The following RSPO3 variants were observed in gnomAD, a reference collection of about 807,000 sequenced individuals.
The protein encoded by RSPO3 is R-spondin 3, also known as R-spondin-3.
In RSPO3, 17 loss-of-function variants were observed where a neutral mutation model predicts 36.5. The ratio of observed to expected loss-of-function variants is 0.47; its 90% CI spans 0.32 to 0.70. The LOEUF (loss-of-function observed/expected upper bound fraction) is 0.70, where lower values mean the gene tolerates loss of function less well. Among genes scored for constraint, RSPO3 ranks in the 30% least tolerant of loss-of-function variants. The pLI is 0.04. For synonymous variants in RSPO3, 108 were observed against 107.0 expected, an observed-to-expected ratio of 1.01 and a Z score of -0.06; for missense variants, 294 against 322.5, an observed-to-expected ratio of 0.91 and a Z score of 0.68.
intron 4 of RSPO3, among the ~76,000 whole-genome samples, chr6:127,186,086 G>C (rs1775288855): frequency 6.6e-6 from 1 of 152,094 alleles, no homozygotes; most frequent in Admixed American, 6.6e-5. Flanking sequence ...AATTTAACCA[G>C]CTGGAATAAA....
chr6:127,159,983 T>C (rs2114600057), intron 4 of RSPO3, among the ~76,000 whole-genome samples: 1 of 152,258 alleles, frequency 6.6e-6, no homozygotes, highest in East Asian at 1.9e-4. Context: ...AGCCACGTTT[T>C]CAATTTAATG....
At chr6:127,186,702 T>G (rs1775301974) in intron 4 of RSPO3, among the ~76,000 whole-genome samples, 1 of 152,156 alleles carries the variant, frequency 6.6e-6, no homozygotes, top group East Asian at 1.9e-4. Flanking sequence ...TAAATAACAT[T>G]GTTACATTTA....
Position 127,119,308 on chromosome 6 carries a change from A to C in RSPO3, c.97+19A>C, listed in dbSNP as rs1258363719. 1.9e-6 allele frequency: 3 copies of C among 1,589,370 alleles called. No homozygotes were observed. Among genetic ancestry groups the C allele is most frequent in the Non-Finnish European group, 2.6e-6 (3 of 1,158,744 alleles). The stretch of plus-strand genomic sequence containing the variant: ...CGAAGAAGTAAGTGCAGGGTTTTTT[A>C]CGCGTTTGCTCCCTCCCGCCGCGTT... On this transcript the variant is annotated intron_variant, in intron 1 of 4. Coordinates refer to ENST00000356698, the MANE Select transcript of RSPO3 (RefSeq NM_032784.5).
chr6:127,191,349 G>C (rs1427603468), intron 4 of RSPO3, among the ~76,000 whole-genome samples: 1 of 152,064 alleles, frequency 6.6e-6, no homozygotes, highest in Non-Finnish European at 1.5e-5. Context: ...AAATAAACTG[G>C]GGGGGAGGGG....
rs1357386485 is a variant in RSPO3, at chr6:127,150,566, A to T, written c.430A>T (p.Ser144Cys). 6.2e-7 allele frequency: 1 copy of T among 1,607,170 alleles called. No individual in the cohort carries two copies. Among genetic ancestry groups the T allele is most frequent in the Admixed American group, 1.7e-5 (1 of 58,976 alleles). ...EANNHTMECV[S>C]IVHCEVSEWN... The stretch of plus-strand genomic sequence containing the variant: ...CAACAACCATACTATGGAGTGTGTC[A>T]GTATTGGTAAGGAGAACCTGTAATA... Residue 144 changes from serine (S) to cysteine (C), a missense_variant, in exon 3 of 5, where the codon AGT (serine) becomes TGT (cysteine). Physicochemically the swap from Ser to Cys is moderately radical, Grantham distance 112 (BLOSUM62 -1). Transcript: ENST00000356698.
chr6:127,180,861 C>T (rs1775171401), intron 4 of RSPO3, among the ~76,000 whole-genome samples: 1 of 151,710 alleles, frequency 6.6e-6, no homozygotes. Context: ...ATTTGTTTCT[C>T]ATACCTACCC....
At chr6:127,157,739 AT>A (rs951940193) in intron 4 of RSPO3, among the ~76,000 whole-genome samples, 4 of 151,578 alleles carry the variant, frequency 2.6e-5, no homozygotes, top group East Asian at 1.9e-4. Flanking sequence ...TCCTACTTTT[AT>A]TTTTTTTCAT....
chr6:127,155,876 G>GTATA (rs35711172), intron 4 of RSPO3, among the ~76,000 whole-genome samples: 66,181 of 148,276 alleles, frequency 0.45, 14,792 homozygotes, highest in East Asian at 0.52. Flanking sequence ...GTAGCTAAGT[G>GTATA]TATATATATA....
intron 1 of RSPO3, among the ~76,000 whole-genome samples, chr6:127,146,006 A>G (rs1043254149): frequency 6.6e-6 from 1 of 152,124 alleles, no homozygotes; most frequent in Non-Finnish European, 1.5e-5. Flanking sequence ...TGTAATTTGT[A>G]TGATCCTTAT....
At chr6:127,178,724 T>C (rs1188646015) in intron 4 of RSPO3, among the ~76,000 whole-genome samples, 4 of 151,826 alleles carry the variant, frequency 2.6e-5, no homozygotes. Flanking sequence ...GAAAGGACCA[T>C]CTGTGTCTTC....
At chr6:127,165,596 C>T (rs1286571876) in intron 4 of RSPO3, among the ~76,000 whole-genome samples, 2 of 151,846 alleles carry the variant, frequency 1.3e-5, no homozygotes, top group Admixed American at 1.3e-4. Flanking sequence ...GGCTTTCTAC[C>T]ATGTTTTATA....
intron 4 of RSPO3, among the ~76,000 whole-genome samples, chr6:127,194,454 G>A (rs184104828): frequency 1.2e-4 from 18 of 152,262 alleles, no homozygotes; most frequent in Admixed American, 9.8e-4. Flanking sequence ...ATTTCTCATT[G>A]GGATATATGT....
chr6:127,139,643 A>G (rs1163020219), intron 1 of RSPO3, among the ~76,000 whole-genome samples: 1 of 152,136 alleles, frequency 6.6e-6, no homozygotes, highest in Non-Finnish European at 1.5e-5. Context: ...TCTCAGCCAG[A>G]CCACAGCACA....
At chr6:127,148,626 C>T (rs755437311) in intron 1 of RSPO3, 22 bp from the exon 2 acceptor site, 4 of 1,583,420 alleles carry the variant, frequency 2.5e-6, no homozygotes, top group South Asian at 2.3e-5. Flanking sequence ...TTTGTAATGT[C>T]TTTCTACATT....
At chr6:127,143,407 T>C (rs958706878) in intron 1 of RSPO3, among the ~76,000 whole-genome samples, 11 of 152,292 alleles carry the variant, frequency 7.2e-5, no homozygotes, top group Admixed American at 5.9e-4. Flanking sequence ...CTACCCTGTC[T>C]CTTAAGGCCA....
At chr6:127,185,571 A>G (rs757481594) in intron 4 of RSPO3, among the ~76,000 whole-genome samples, 14 of 152,114 alleles carry the variant, frequency 9.2e-5, no homozygotes, top group Non-Finnish European at 1.9e-4. Context: ...AACCATCACT[A>G]TAAACATTTA....
intron 1 of RSPO3, among the ~76,000 whole-genome samples, chr6:127,122,761 T>C (rs1773869709): frequency 6.6e-6 from 1 of 152,230 alleles, no homozygotes; most frequent in African/African-American, 2.4e-5. Flanking sequence ...CATTATTTTA[T>C]ATAATGGTGA....
intron 1 of RSPO3, among the ~76,000 whole-genome samples, chr6:127,142,423 G>A (rs528959770): frequency 3.3e-5 from 5 of 152,192 alleles, no homozygotes; most frequent in South Asian, 4.2e-4. Flanking sequence ...TAAAGTGATC[G>A]TTGCCACCAG....
chr6:127,146,753 T>G (rs1774391715), intron 1 of RSPO3, among the ~76,000 whole-genome samples: 1 of 152,156 alleles, frequency 6.6e-6, no homozygotes, highest in Non-Finnish European at 1.5e-5. Context: ...TCTTTCAAGT[T>G]GAGGTCCACT....
Sources: gnomAD v4.1 joint callset for allele counts (sites outside exome capture counted in the v4.1 genomes callset) on GRCh38, gnomAD v4.1.1 for gene constraint, MANE v1.5 for transcripts, NCBI Gene and HGNC (gene_info 2026-07-23, HGNC 2026-07-21) for gene names.